Variants in MICU1 observed in about 807,000 individuals in gnomAD.
MICU1 encodes calcium uptake protein 1, mitochondrial.
Under a neutral mutation model 56.8 loss-of-function variants are expected in MICU1, and 45 were observed. That is an observed-to-expected ratio of 0.79 (90% CI 0.62 to 1.02). MICU1 has a LOEUF of 1.02. Among genes scored for constraint, MICU1 ranks in the 50% least tolerant of loss-of-function variants. The pLI is 0.00. For missense variants in MICU1, 504 were observed against 587.1 expected, an observed-to-expected ratio of 0.86 and a Z score of 1.46; for synonymous variants, 186 against 195.1, an observed-to-expected ratio of 0.95 and a Z score of 0.39.
chr10:72,496,830 T>C (rs557153323), intron 6 of MICU1, among the ~76,000 whole-genome samples: 114 of 151,996 alleles, frequency 7.5e-4, no homozygotes, highest in Admixed American at 6.7e-3. Context: ...CTTTGGCCTC[T>C]CAAAGTGCTG....
chr10:72,383,826 C>A (rs1200451128), intron 10 of MICU1, among the ~76,000 whole-genome samples: 1 of 151,968 alleles, frequency 6.6e-6, no homozygotes, highest in Non-Finnish European at 1.5e-5. Flanking sequence ...GAGACAGGGT[C>A]TTGGTTCTGT....
intron 8 of MICU1, among the ~76,000 whole-genome samples, chr10:72,457,842 T>C (rs1865520416): frequency 6.6e-6 from 1 of 152,112 alleles, no homozygotes; most frequent in African/African-American, 2.4e-5. Context: ...AGTTTGCTGT[T>C]TGACCAACCT....
chr10:72,416,988 A>C (rs576652373), intron 9 of MICU1, among the ~76,000 whole-genome samples: 2 of 152,330 alleles, frequency 1.3e-5, no homozygotes, highest in South Asian at 4.1e-4. Flanking sequence ...TAGGAATGCT[A>C]AGTTCTATGA....
chr10:72,550,215 CTATA>C (rs1277603990), intron 4 of MICU1, among the ~76,000 whole-genome samples: 1 of 152,152 alleles, frequency 6.6e-6, no homozygotes, highest in Non-Finnish European at 1.5e-5. Flanking sequence ...CATATTTTTA[CTATA>C]TCTTTTCTAT....
At chr10:72,510,842 G>A (rs1344512840) in intron 5 of MICU1, among the ~76,000 whole-genome samples, 1 of 152,062 alleles carries the variant, frequency 6.6e-6, no homozygotes, top group Admixed American at 6.6e-5. Context: ...ATGTTGGCCA[G>A]GCTGGTCTTG....
chr10:72,562,784 A>G (rs958870756), intron 3 of MICU1, 111 bp downstream of exon 3: 5 of 957,344 alleles, frequency 5.2e-6, no homozygotes, highest in Non-Finnish European at 7.1e-6. Context: ...CAAAGAAGTG[A>G]TAACTTGAAA....
At chr10:72,447,103 G>A (rs1019512218) in intron 8 of MICU1, among the ~76,000 whole-genome samples, 2 of 152,196 alleles carry the variant, frequency 1.3e-5, no homozygotes, top group Non-Finnish European at 2.9e-5. Context: ...AGCATGGAAA[G>A]TTGAATTATA....
chr10:72,615,729 G>A lies in MICU1; in HGVS notation c.-2+10281C>T, dbSNP rs953318461. Among the ~76,000 whole-genome samples the A allele has an allele frequency of 1.1e-4, 16 of 152,018 alleles. No individual in the cohort carries two copies. In the East Asian group the frequency reaches 2.7e-3, roughly 26 times the overall value. On this transcript the variant is annotated intron_variant, in intron 1 of 11. Transcript: ENST00000361114. ...TTGGCCAGGCGCGGTGGCTCATCACGCCTGTAATCCCAGCACTTTGGGAGG... is the reference window on the plus strand; with the variant it reads ...TTGGCCAGGCGCGGTGGCTCATCACACCTGTAATCCCAGCACTTTGGGAGG...
chr10:72,497,409 A>G (rs1169828357), intron 6 of MICU1, among the ~76,000 whole-genome samples: 1 of 152,186 alleles, frequency 6.6e-6, no homozygotes, highest in Non-Finnish European at 1.5e-5. Context: ...CAACACCATG[A>G]TAAGACGTAA....
chr10:72,390,278 C>T (rs1863027115), intron 10 of MICU1, among the ~76,000 whole-genome samples: 1 of 152,132 alleles, frequency 6.6e-6, no homozygotes. Flanking sequence ...GCAGTGGCCA[C>T]CTGCCTGGAT....
rs1390793324 is a variant in MICU1 at position 72,477,166 on chromosome 10, C to T, written c.735+8G>A. The T allele has an allele frequency of 2.6e-6, 4 of 1,537,234 alleles. No individual in the cohort carries two copies. The highest frequency in any genetic ancestry group is 1.8e-6 in the Non-Finnish European group (2 of 1,139,734). ...ATGTATTTAGAGGAACTCTCCAGGA[C>T]AACTTGCCTGTTCAAATTCTTCCAT... On this transcript the variant is annotated splice_region_variant and intron_variant, in intron 7 of 11. Transcript: ENST00000361114.
chr10:72,368,679 A>G (rs1862228219), intron 11 of MICU1, among the ~76,000 whole-genome samples: 3 of 152,158 alleles, frequency 2.0e-5, no homozygotes, highest in African/African-American at 7.2e-5. Context: ...GAGACAAATT[A>G]TTATACCACA....
intron 10 of MICU1, among the ~76,000 whole-genome samples, chr10:72,402,317 C>T (rs1424809553): frequency 6.6e-6 from 1 of 152,154 alleles, no homozygotes; most frequent in African/African-American, 2.4e-5. Context: ...CATTTTGTTC[C>T]TGACTAGCTG....
intron 5 of MICU1, among the ~76,000 whole-genome samples, chr10:72,527,149 A>G (rs565416784): frequency 6.6e-6 from 1 of 152,210 alleles, no homozygotes; most frequent in East Asian, 1.9e-4. Context: ...ATCAAAGCAG[A>G]AAAGATTAAC....
intron 1 of MICU1, among the ~76,000 whole-genome samples, chr10:72,621,798 T>G (rs1185177965): frequency 6.6e-6 from 1 of 151,902 alleles, no homozygotes; most frequent in Non-Finnish European, 1.5e-5. Flanking sequence ...ACTGGAAGAG[T>G]GTAAATTTTT....
intron 10 of MICU1, among the ~76,000 whole-genome samples, chr10:72,401,269 T>C (rs942034447): frequency 2.0e-5 from 3 of 152,340 alleles, no homozygotes; most frequent in South Asian, 2.1e-4. Context: ...AATTGACAAA[T>C]ACAAACTGTA....
intron 3 of MICU1, among the ~76,000 whole-genome samples, chr10:72,558,329 G>C (rs560732715): frequency 6.6e-6 from 1 of 152,122 alleles, no homozygotes; most frequent in Admixed American, 6.6e-5. Flanking sequence ...CATCTCTGTG[G>C]ATCAGAGACT....
intron 8 of MICU1, among the ~76,000 whole-genome samples, chr10:72,451,024 C>A (rs867631572): frequency 8.7e-6 from 1 of 115,032 alleles, no homozygotes; most frequent in Non-Finnish European, 1.7e-5. Flanking sequence ...TCCCTTAAAT[C>A]TTTTTTTTTT....
chr10:72,401,234 T>G (rs564518548), intron 10 of MICU1, among the ~76,000 whole-genome samples: 84 of 152,220 alleles, frequency 5.5e-4, no homozygotes, highest in Non-Finnish European at 9.3e-4. Flanking sequence ...GATCTTGTAT[T>G]TTTTTCCTGG....
Sources: allele counts gnomAD v4.1 joint callset (sites outside exome capture counted in the v4.1 genomes callset), GRCh38; gene constraint gnomAD v4.1.1; transcripts MANE v1.5; gene names NCBI Gene and HGNC (gene_info 2026-07-23, HGNC 2026-07-21).